Variants in SNTG1 observed in about 807,000 individuals in gnomAD.
The protein encoded by SNTG1 is gamma-1-syntrophin.
Under a neutral mutation model 74.7 loss-of-function variants are expected in SNTG1, and 39 were observed. That is an observed-to-expected ratio of 0.52 (90% CI 0.40 to 0.68). SNTG1 has a LOEUF of 0.68. Ranked by LOEUF, SNTG1 falls within the 30% of genes least tolerant of loss-of-function variation. The pLI is 0.00. For missense variants in SNTG1, 685 were observed against 609.5 expected, an observed-to-expected ratio of 1.12 and a Z score of -1.30; for synonymous variants, 254 against 217.1, an observed-to-expected ratio of 1.17 and a Z score of -1.49.
chr8:50,522,808 A>G (rs1585564806), intron 9 of SNTG1, among the ~76,000 whole-genome samples: 1 of 152,024 alleles, frequency 6.6e-6, no homozygotes, highest in Non-Finnish European at 1.5e-5. Flanking sequence ...TGATCTCCTG[A>G]CCTTGTGATC....
intron 18 of SNTG1, among the ~76,000 whole-genome samples, chr8:50,772,397 C>A (rs1201772955): frequency 7.9e-5 from 12 of 152,180 alleles, no homozygotes; most frequent in Admixed American, 2.6e-4. Flanking sequence ...TCATTTATTT[C>A]TTTTTGTCTA....
chr8:50,762,606 G>T, intron 18 of SNTG1: 1 of 415,392 alleles, frequency 2.4e-6, no homozygotes, highest in Non-Finnish European at 4.8e-6. Flanking sequence ...TACACCATCA[G>T]TGTATCCTCT....
intron 3 of SNTG1, among the ~76,000 whole-genome samples, chr8:50,399,550 T>C (rs527826136): frequency 6.6e-6 from 1 of 152,184 alleles, no homozygotes; most frequent in Non-Finnish European, 1.5e-5. Flanking sequence ...AAACAGAGCA[T>C]TATTTGTGAT....
At chr8:50,748,002 A>T (rs2095559015) in intron 17 of SNTG1, among the ~76,000 whole-genome samples, 1 of 152,018 alleles carries the variant, frequency 6.6e-6, no homozygotes, top group Non-Finnish European at 1.5e-5. Flanking sequence ...CCATGTACCA[A>T]GATAGGAAAA....
At chr8:50,307,167 A>G (rs2089934595) in intron 2 of SNTG1, among the ~76,000 whole-genome samples, 1 of 152,044 alleles carries the variant, frequency 6.6e-6, no homozygotes, top group South Asian at 2.1e-4. Context: ...GCTATTATGA[A>G]TAGTTCTGAC....
At chr8:50,697,018 G>A (rs1002859086) in intron 15 of SNTG1, among the ~76,000 whole-genome samples, 8 of 152,108 alleles carry the variant, frequency 5.3e-5, no homozygotes, top group Non-Finnish European at 1.0e-4. Flanking sequence ...CATTGAAATT[G>A]TAAATTGTTT....
At chr8:50,189,951 A>G (rs1261612495) in intron 2 of SNTG1, among the ~76,000 whole-genome samples, 2 of 152,128 alleles carry the variant, frequency 1.3e-5, no homozygotes, top group African/African-American at 4.8e-5. Context: ...AACACGTTTG[A>G]GTGAAGATTA....
intron 4 of SNTG1, among the ~76,000 whole-genome samples, chr8:50,408,583 C>T (rs2131382166): frequency 6.6e-6 from 1 of 152,246 alleles, no homozygotes; most frequent in Non-Finnish European, 1.5e-5. Context: ...CATTAACCCA[C>T]TGACCATGAA....
chr8:50,318,125 C>T (rs190947328), intron 2 of SNTG1, among the ~76,000 whole-genome samples: 1 of 152,024 alleles, frequency 6.6e-6, no homozygotes, highest in East Asian at 1.9e-4. Flanking sequence ...CGTGAGCCAC[C>T]GAGCCCAGCC....
intron 9 of SNTG1, among the ~76,000 whole-genome samples, chr8:50,518,025 A>G (rs934247852): frequency 2.0e-5 from 3 of 152,288 alleles, no homozygotes; most frequent in East Asian, 1.9e-4. Context: ...ACCACATCAC[A>G]CTTATTCTAA....
chr8:50,153,103 T>C (rs934143426), intron 1 of SNTG1, among the ~76,000 whole-genome samples: 2 of 152,328 alleles, frequency 1.3e-5, no homozygotes, highest in Middle Eastern at 3.4e-3. Flanking sequence ...CTTGTTCGTT[T>C]CTTTTTACTC....
chr8:50,479,003 A>G (rs2093718340), intron 8 of SNTG1, among the ~76,000 whole-genome samples: 1 of 152,186 alleles, frequency 6.6e-6, no homozygotes, highest in Admixed American at 6.5e-5. Flanking sequence ...AGTAAAACAC[A>G]TAATCTTCAT....
At chr8:50,057,951 T>C (rs1468891910) in intron 1 of SNTG1, among the ~76,000 whole-genome samples, 1 of 152,172 alleles carries the variant, frequency 6.6e-6, no homozygotes, top group Admixed American at 6.6e-5. Flanking sequence ...ATTTATTGAA[T>C]ATTATTTGCA....
At chr8:50,662,090 G>A (rs992586795) in intron 15 of SNTG1, among the ~76,000 whole-genome samples, 1 of 152,178 alleles carries the variant, frequency 6.6e-6, no homozygotes, top group African/African-American at 2.4e-5. Context: ...TGGGGCAGGT[G>A]AGCAAATAAG....
chr8:50,097,579 A>C (rs1418189395), intron 1 of SNTG1, among the ~76,000 whole-genome samples: 1 of 151,730 alleles, frequency 6.6e-6, no homozygotes, highest in Non-Finnish European at 1.5e-5. Flanking sequence ...GTGAACCCGG[A>C]AGGCGGAGCT....
At chr8:50,048,602 A>G (rs912645883) in intron 1 of SNTG1, among the ~76,000 whole-genome samples, 2 of 152,178 alleles carry the variant, frequency 1.3e-5, no homozygotes, top group African/African-American at 2.4e-5. Context: ...TCAGCTCCTA[A>G]TGAACAAAAC....
chr8:50,067,559 G>T (rs913564038), intron 1 of SNTG1, among the ~76,000 whole-genome samples: 7 of 152,060 alleles, frequency 4.6e-5, no homozygotes, highest in Non-Finnish European at 7.4e-5. Flanking sequence ...ACCTTTTTTA[G>T]TCTTCCCTTT....
intron 18 of SNTG1, among the ~76,000 whole-genome samples, chr8:50,785,221 A>C (rs764281848): frequency 5.3e-5 from 8 of 151,962 alleles, no homozygotes; most frequent in Non-Finnish European, 8.8e-5. Context: ...AAGAATACAT[A>C]AACAATTGAG....
In SNTG1 at chr8:50,776,407, T is replaced by C. The variant is rs1585764190; in HGVS notation, c.1396-16264T>C. Among the ~76,000 whole-genome samples, 3 of 147,316 alleles carry C rather than the reference T, an allele frequency of 2.0e-5. No homozygotes were observed. The Admixed American group carries it at 2.0e-4, about 10-fold the overall frequency. ...ATTATATTTTACATTTTATAATATA[T>C]AATATATTATAGCTTATAATATTTA... On this transcript the variant is annotated intron_variant, in intron 18 of 18. Transcript: ENST00000642720.
Sources: allele counts gnomAD v4.1 joint callset (sites outside exome capture counted in the v4.1 genomes callset), GRCh38; gene constraint gnomAD v4.1.1; transcripts MANE v1.5; gene names NCBI Gene and HGNC (gene_info 2026-07-23, HGNC 2026-07-21).